Variants in RFWD3 observed in about 807,000 individuals in gnomAD.
RFWD3 encodes ring finger and WD repeat domain 3.
Under a neutral mutation model 87.7 loss-of-function variants are expected in RFWD3, and 65 were observed. The ratio of observed to expected loss-of-function variants is 0.74; its 90% confidence interval spans 0.61 to 0.91. RFWD3 has a LOEUF of 0.91. Ranked by LOEUF, RFWD3 falls within the 40% of genes least tolerant of loss-of-function variation. The probability of loss-of-function intolerance (pLI) is 0.00; values close to 1 mark genes in which losing one functional copy is unlikely to be tolerated. For missense variants in RFWD3, 1,078 were observed against 938.5 expected, an observed-to-expected ratio of 1.15 and a Z score of -1.94; for synonymous variants, 433 against 352.8, an observed-to-expected ratio of 1.23 and a Z score of -2.55.
chr16:74,661,191 C>T lies in RFWD3; in HGVS notation c.259G>A (p.Gly87Arg). ...SVDLTEVEVL[G>R]EDTVENINPR... ...TTGATGTTCTCCACAGTGTCTTCTC[C>T]CAAGACCTCCACTTCTGTCAGGTCA... The change falls in exon 2 of 13, where the codon GGA becomes AGA. Residue 87 changes from glycine to arginine, a missense_variant. Coordinates refer to ENST00000361070, the MANE Select transcript of RFWD3 (RefSeq NM_018124.4). 6.2e-7 allele frequency: 1 copy of T among 1,614,226 alleles called. No homozygotes were observed. The highest frequency in any genetic ancestry group is 8.5e-7 in the Non-Finnish European group (1 of 1,180,042).
In RFWD3 at chr16:74,666,833, G is replaced by C. The variant is rs918013249; in HGVS notation, c.-50C>G. The C allele has an allele frequency of 1.3e-5, 2 of 152,474 alleles. No individual in the cohort carries two copies. The highest frequency in any genetic ancestry group is 1.5e-5 in the Non-Finnish European group (1 of 68,222). The allele number at this position is 152,474 out of a possible 1,614,324, so 9.4% of individuals were successfully genotyped here. A position where few individuals can be genotyped will look rare whatever the true frequency, so the allele number is the denominator to read the frequency against. On this transcript the variant is annotated 5_prime_UTR_variant, in exon 1 of 13. Coordinates refer to ENST00000361070, the MANE Select transcript of RFWD3 (RefSeq NM_018124.4). ...GGGCTCGCGAGCCCGCCGAAGACTCGGTAGTTACCTCGGCCGCACTCCGAA... is the reference window on the plus strand; with the variant it reads ...GGGCTCGCGAGCCCGCCGAAGACTCCGTAGTTACCTCGGCCGCACTCCGAA...
At chr16:74,646,333 G>C (rs906202565) in intron 4 of RFWD3, among the ~76,000 whole-genome samples, 3 of 152,148 alleles carry the variant, frequency 2.0e-5, no homozygotes, top group African/African-American at 7.2e-5. Context: ...CTATGATTGT[G>C]CCACTGCACT....
intron 1 of RFWD3, chr16:74,666,178 C>CAAATT (rs1961886724): frequency 7.3e-6 from 1 of 136,736 alleles, no homozygotes; most frequent in Non-Finnish European, 1.6e-5. Flanking sequence ...ATTAGATAGA[C>CAAATT]AGATTAGATA....
intron 8 of RFWD3, among the ~76,000 whole-genome samples, chr16:74,635,347 G>T (rs1156420257): frequency 3.3e-5 from 5 of 151,734 alleles, no homozygotes; most frequent in Non-Finnish European, 7.4e-5. Context: ...TGCACCCGTA[G>T]TCTCAACTAC....
chr16:74,661,561 C>CT, intron 1 of RFWD3, 110 bp from the exon 2 acceptor site: 5 of 1,029,530 alleles, frequency 4.9e-6, no homozygotes, highest in Non-Finnish European at 7.0e-6. Flanking sequence ...TCATTCTTAG[C>CT]AAGACTGAGA....
rs768672277 is a variant in RFWD3 at position 74,626,329 on chromosome 16, AG to A, written c.2181+13del. 3 of 1,606,928 alleles carry A rather than the reference AG, an allele frequency of 1.9e-6. No homozygotes were observed. The highest frequency in any genetic ancestry group is 3.4e-5 in the Admixed American group (2 of 59,516). On this transcript the variant is annotated intron_variant, in intron 12 of 12. Transcript: ENST00000361070. Reference sequence around the variant, plus strand: ...ACTACTTTTTATATGAAAGTAAAAAAGTAACAGGCTCACCAGGGCAGAATTT... The same window carrying A: ...ACTACTTTTTATATGAAAGTAAAAAATAACAGGCTCACCAGGGCAGAATTT...
Position 74,637,904 on chromosome 16 carries a change from T to G in RFWD3, c.1146A>C (p.Gln382His). Residue 382 changes from glutamine (Q) to histidine (H), a missense_variant, in exon 7 of 13, where the codon CAA becomes CAC. By Grantham distance (24) the Gln-to-His change is conservative. Transcript: ENST00000361070. ...AELESAQCRL[Q>H]LQVLTDKCTR... ...TGCACTTATCAGTGAGGACCTGCAGTTGGAGTCGGCACTGTGCTGATTCTA... is the reference window on the plus strand; with the variant it reads ...TGCACTTATCAGTGAGGACCTGCAGGTGGAGTCGGCACTGTGCTGATTCTA... The G allele has an allele frequency of 2.5e-6, 4 of 1,612,906 alleles. No individual in the cohort carries two copies. The highest frequency in any genetic ancestry group is 3.4e-6 in the Non-Finnish European group (4 of 1,179,832).
At chr16:74,657,183 C>T (rs1961049386) in intron 2 of RFWD3, among the ~76,000 whole-genome samples, 1 of 152,148 alleles carries the variant, frequency 6.6e-6, no homozygotes, top group Admixed American at 6.5e-5. Flanking sequence ...GCTCCAATCC[C>T]TCTGGTGCCT....
At chr16:74,630,376 G>C (rs1959056425) in intron 10 of RFWD3, among the ~76,000 whole-genome samples, 2 of 152,168 alleles carry the variant, frequency 1.3e-5, no homozygotes, top group Admixed American at 1.3e-4. Context: ...GGGATTACAG[G>C]CGTAAGCCAC....
In RFWD3 at chr16:74,643,669, G is replaced by GCTTTTTTTTTTTTTT. The variant is rs56803461; in HGVS notation, c.1079+692_1079+693insAAAAAAAAAAAAAAG. ...ATACTGAGTGGTGTTACTAGCAACT[G>GCTTTTTTTTTTTTTT]TTTTTTTTTTTTTTTTTTTTTTTTG... On this transcript the variant is annotated intron_variant, in intron 6 of 12. Transcript: ENST00000361070. 6.7e-5 allele frequency among the ~76,000 whole-genome samples: 7 copies of GCTTTTTTTTTTTTTT among 105,054 alleles called. 3 individuals are homozygous for GCTTTTTTTTTTTTTT. Among genetic ancestry groups the GCTTTTTTTTTTTTTT allele is most frequent in the Non-Finnish European group, 3.7e-5 (2 of 53,500 alleles). 68.9% of individuals were successfully genotyped at this position (105,054 alleles called of 152,430 possible).
intron 6 of RFWD3, among the ~76,000 whole-genome samples, chr16:74,643,712 G>A (rs1165373914): frequency 8.5e-6 from 1 of 117,474 alleles, no homozygotes; most frequent in Non-Finnish European, 1.6e-5. Context: ...GTCTTGCTCT[G>A]TCGCCCAGGC....
chr16:74,661,558 TA>T, intron 1 of RFWD3, 107 bp from the exon 2 acceptor site: 3 of 1,061,706 alleles, frequency 2.8e-6, no homozygotes, highest in Non-Finnish European at 4.0e-6. Context: ...ATATCATTCT[TA>T]GCAAGACTGA....
chr16:74,634,561 A>AT (rs1304792460), intron 8 of RFWD3, among the ~76,000 whole-genome samples: 5 of 151,614 alleles, frequency 3.3e-5, no homozygotes, highest in Non-Finnish European at 5.9e-5. Flanking sequence ...GTTAAGAAAA[A>AT]TTTTTTTTAT....
chr16:74,653,121 T>C (rs1288240686), intron 2 of RFWD3, among the ~76,000 whole-genome samples: 1 of 152,132 alleles, frequency 6.6e-6, no homozygotes, highest in African/African-American at 2.4e-5. Context: ...GGTAAACTGC[T>C]TGTGCCTAGG....
chr16:74,623,949 G>A lies in RFWD3; in HGVS notation c.2304C>T (p.Val768=). The A allele has an allele frequency of 6.2e-7, 1 of 1,614,056 alleles. No homozygotes were observed. Among genetic ancestry groups the A allele is most frequent in the Non-Finnish European group, 8.5e-7 (1 of 1,179,992 alleles). ...SYLATLTEKM[V]HIYKWE Reference sequence around the variant, plus strand: ...ACAGTCACTCCCACTTATAGATGTGGACCATCTTCTCTGTTAAGGTAGCCA... The same window carrying A: ...ACAGTCACTCCCACTTATAGATGTGAACCATCTTCTCTGTTAAGGTAGCCA... The change falls in exon 13 of 13, where the codon GTC becomes GTT. Residue 768 remains valine (V), a synonymous_variant. Coordinates refer to ENST00000361070, the MANE Select transcript of RFWD3 (RefSeq NM_018124.4).
intron 4 of RFWD3, 21 bp from the exon 5 acceptor site, chr16:74,644,756 A>G (rs1959981724): frequency 1.3e-6 from 2 of 1,575,890 alleles, no homozygotes; most frequent in Non-Finnish European, 1.7e-6. Flanking sequence ...AGCAGAATAT[A>G]TTCAAATTAG....
chr16:74,626,683 A>G (rs1410765389), intron 11 of RFWD3, 129 bp from the exon 12 acceptor site: 1 of 662,670 alleles, frequency 1.5e-6, no homozygotes, highest in South Asian at 1.9e-5. Flanking sequence ...CATCAAGAAC[A>G]GTTACAAAAC....
At position 74,629,484 on chromosome 16, in the gene RFWD3, C is replaced by T. The variant is rs187023169; in HGVS notation, c.1755-818G>A. On this transcript the variant is annotated intron_variant, in intron 10 of 12. Coordinates refer to ENST00000361070, the MANE Select transcript of RFWD3 (RefSeq NM_018124.4). The stretch of plus-strand genomic sequence containing the variant: ...GACCAGCCTGGCCAATATGGTGAAA[C>T]CCCATCTCTACTAAAAATACAAAAG... 3.9e-3 allele frequency among the ~76,000 whole-genome samples: 594 copies of T among 152,230 alleles called. 2 individuals are homozygous for T. The highest frequency in any genetic ancestry group is 0.011 in the South Asian group (52 of 4,832).
chr16:74,645,830 G>A (rs923587454), intron 4 of RFWD3, among the ~76,000 whole-genome samples: 1 of 134,126 alleles, frequency 7.5e-6, no homozygotes, highest in African/African-American at 2.8e-5. Context: ...TCGGCTCACT[G>A]CAAGTTCCGC....
Sources: gnomAD v4.1 joint callset for allele counts (sites outside exome capture counted in the v4.1 genomes callset) on GRCh38, gnomAD v4.1.1 for gene constraint, MANE v1.5 for transcripts, NCBI Gene and HGNC (gene_info 2026-07-23, HGNC 2026-07-21) for gene names.